ANKS6: variants seen among roughly 807,000 people sequenced by gnomAD.
ANKS6 encodes the protein ankyrin repeat and SAM domain-containing protein 6.
Under a neutral mutation model 77.9 loss-of-function variants are expected in ANKS6, and 47 were observed. That is an observed-to-expected ratio of 0.60 (90% CI 0.48 to 0.77). ANKS6 has a LOEUF of 0.77. ANKS6 is among the 30% of genes least tolerant of loss of function. The probability of loss-of-function intolerance (pLI) is 0.00; values close to 1 mark genes in which losing one functional copy is unlikely to be tolerated. For synonymous variants in ANKS6, 488 were observed against 501.7 expected, an observed-to-expected ratio of 0.97 and a Z score of 0.37; for missense variants, 1,150 against 1,159.1, an observed-to-expected ratio of 0.99 and a Z score of 0.11.
Position 98,732,984 on chromosome 9 carries a change from CTG to C in ANKS6, c.*3533_*3534del. 1 of 1,006,238 alleles carries C rather than the reference CTG, an allele frequency of 9.9e-7. No individual in the cohort carries two copies. Among genetic ancestry groups the C allele is most frequent in the Non-Finnish European group, 1.2e-6 (1 of 835,862 alleles). The allele number at this position is 1,006,238 out of a possible 1,614,324, so 62.3% of individuals were successfully genotyped here. A position where few individuals can be genotyped will look rare whatever the true frequency, so the allele number is the denominator to read the frequency against. The stretch of plus-strand genomic sequence containing the variant: ...TGAGGCCCCACTCCATCTCTCTCCT[CTG>C]GGGCGTGCCCAGGCTGAGCCTGAGC... On this transcript the variant is annotated 3_prime_UTR_variant, in exon 15 of 15. Coordinates refer to ENST00000353234, the MANE Select transcript of ANKS6 (RefSeq NM_173551.5).
chr9:98,765,525 C>A (rs931395687), intron 11 of ANKS6, among the ~76,000 whole-genome samples: 1 of 152,228 alleles, frequency 6.6e-6, no homozygotes, highest in African/African-American at 2.4e-5. Context: ...GTCCTGGCCA[C>A]CTCAGCCACC....
rs774316090 is a variant in ANKS6 at position 98,784,111 on chromosome 9, G to A, written c.954C>T (p.His318=). 2.5e-6 allele frequency: 4 copies of A among 1,570,014 alleles called. No homozygotes were observed. The highest frequency in any genetic ancestry group is 2.3e-5 in the East Asian group (1 of 43,202). Residue 318 remains histidine, a synonymous_variant, in exon 4 of 15, where the codon CAC becomes CAT. Coordinates refer to ENST00000353234, the MANE Select transcript of ANKS6 (RefSeq NM_173551.5). ...VKEIADEDPS[H]VNLVNGDGAT... ...CCCCGTCCCCATTGACCAAGTTCACGTGGCTGGGGTCTTCATCGGCAATCT... is the reference window on the plus strand; with the variant it reads ...CCCCGTCCCCATTGACCAAGTTCACATGGCTGGGGTCTTCATCGGCAATCT...
chr9:98,734,715 C>T lies in ANKS6; in HGVS notation c.*1804G>A, dbSNP rs755579966. On this transcript the variant is annotated 3_prime_UTR_variant, in exon 15 of 15. Coordinates refer to ENST00000353234, the MANE Select transcript of ANKS6 (RefSeq NM_173551.5). ...CCCGAATGTGCAAGATGAGGTTACA[C>T]AATGCCACCTCCAGGGTGGCCATGA... The T allele has an allele frequency of 9.8e-5, 93 of 947,286 alleles. No individual in the cohort carries two copies. The highest frequency in any genetic ancestry group is 1.1e-4 in the Non-Finnish European group (89 of 795,388). 58.7% of individuals were successfully genotyped at this position (947,286 alleles called of 1,614,324 possible).
rs183226573 is a variant in ANKS6, at chr9:98,758,626, G to A, written c.2143-2023C>T. On this transcript the variant is annotated intron_variant, in intron 11 of 14. Coordinates refer to ENST00000353234, the MANE Select transcript of ANKS6 (RefSeq NM_173551.5). ...ATCTACTTTTATATCTACTAACTCT[G>A]TGTGTGTGCAACTCTCTGTGTATTT... is the stretch of plus-strand genomic sequence containing the variant. 2.0e-5 allele frequency among the ~76,000 whole-genome samples: 3 copies of A among 152,238 alleles called. No individual in the cohort carries two copies. The East Asian group carries it at 5.8e-4, about 29-fold the overall frequency.
Position 98,733,881 on chromosome 9 carries a change from G to A in ANKS6, c.*2638C>T. On this transcript the variant is annotated 3_prime_UTR_variant, in exon 15 of 15. Coordinates refer to ENST00000353234, the MANE Select transcript of ANKS6 (RefSeq NM_173551.5). ...TCCTGTGGAACTAGGGTTCCCAGGA[G>A]CATACTTTTGGGAAATGCTGGTGAA... 1.0e-6 allele frequency: 1 copy of A among 985,410 alleles called. No individual in the cohort carries two copies. Among genetic ancestry groups the A allele is most frequent in the Non-Finnish European group, 1.2e-6 (1 of 829,944 alleles). The allele number at this position is 985,410 out of a possible 1,614,324, so 61.0% of individuals were successfully genotyped here.
At chr9:98,741,302 A>G (rs1831815362) in intron 14 of ANKS6, among the ~76,000 whole-genome samples, 1 of 152,240 alleles carries the variant, frequency 6.6e-6, no homozygotes. Context: ...ATATTTTACG[A>G]AAATTTAAGG....
In ANKS6 at chr9:98,790,473, C is replaced by G. The variant is rs1588421075; in HGVS notation, c.493G>C (p.Glu165Gln). 6.2e-7 allele frequency: 1 copy of G among 1,613,702 alleles called. No individual in the cohort carries two copies. The highest frequency in any genetic ancestry group is 8.5e-7 in the Non-Finnish European group (1 of 1,179,984). ...TGATGGTCCACAAAGGCACCGGCTTCCAGGAGCAGCTTCACCACACCCAGG... is the reference window on the plus strand; with the variant it reads ...TGATGGTCCACAAAGGCACCGGCTTGCAGGAGCAGCTTCACCACACCCAGG... ...GHLGVVKLLL[E>Q]AGAFVDHHHP... The change falls in exon 2 of 15, where the codon GAA (glutamate) becomes CAA (glutamine). Residue 165 changes from glutamate to glutamine, a missense_variant. Transcript: ENST00000353234.
At chr9:98,771,740 C>CGGTCCTTG (rs1325583386) in intron 9 of ANKS6, among the ~76,000 whole-genome samples, 3 of 152,116 alleles carry the variant, frequency 2.0e-5, no homozygotes, top group Non-Finnish European at 4.4e-5. Flanking sequence ...CGGCTCCTCC[C>CGGTCCTTG]GGTCCTTGGC....
chr9:98,754,031 A>T (rs1469712341), intron 12 of ANKS6, among the ~76,000 whole-genome samples: 1 of 152,128 alleles, frequency 6.6e-6, no homozygotes, highest in Non-Finnish European at 1.5e-5. Context: ...CCCGCTCACC[A>T]GGGGAGCCTA....
chr9:98,770,780 G>A, intron 10 of ANKS6, 116 bp downstream of exon 10: 2 of 1,089,432 alleles, frequency 1.8e-6, no homozygotes, highest in Non-Finnish European at 2.4e-6. Context: ...TAAGGAGAAA[G>A]TGCCTCTTGC....
intron 3 of ANKS6, 183 bp from the exon 4 acceptor site, chr9:98,784,340 G>C (rs1834447647): frequency 1.2e-5 from 6 of 519,644 alleles, no homozygotes; most frequent in Non-Finnish European, 1.7e-5. Context: ...CTCAGTCTAG[G>C]CGAGACAGAG....
Position 98,732,775 on chromosome 9 carries a change from T to A in ANKS6, c.*3744A>T. The A allele has an allele frequency of 7.1e-7, 1 of 1,398,818 alleles. No individual in the cohort carries two copies. The highest frequency in any genetic ancestry group is 9.3e-7 in the Non-Finnish European group (1 of 1,078,384). The allele number at this position is 1,398,818 out of a possible 1,614,324, so 86.7% of individuals were successfully genotyped here. On this transcript the variant is annotated 3_prime_UTR_variant, in exon 15 of 15. Transcript: ENST00000353234. ...GTGCTCAACATCACGCAGCACTAGG[T>A]CTATGTCCAGTGCTCTTTCCAGGGT...
chr9:98,767,950 G>A (rs1833390716), intron 11 of ANKS6, 131 bp downstream of exon 11: 1 of 1,278,674 alleles, frequency 7.8e-7, no homozygotes, highest in Non-Finnish European at 1.1e-6. Flanking sequence ...CAGCCCAGGA[G>A]TGGCTGGCTG....
intron 10 of ANKS6, among the ~76,000 whole-genome samples, chr9:98,769,595 GAAAAAGAAA>G (rs1474267731): frequency 6.6e-6 from 1 of 152,094 alleles, no homozygotes; most frequent in Non-Finnish European, 1.5e-5. Context: ...GCAATGTGAG[GAAAAAGAAA>G]AAAGCAAGTT....
At chr9:98,780,749 G>A (rs889228137) in intron 5 of ANKS6, among the ~76,000 whole-genome samples, 79 of 152,094 alleles carry the variant, frequency 5.2e-4, no homozygotes, top group Non-Finnish European at 2.1e-4. Context: ...ATCAATTCAC[G>A]GGAATTCCTT....
At chr9:98,773,284 C>T (rs1833738065) in intron 9 of ANKS6, among the ~76,000 whole-genome samples, 1 of 152,214 alleles carries the variant, frequency 6.6e-6, no homozygotes, top group Non-Finnish European at 1.5e-5. Context: ...TCACCCAGCA[C>T]ATGGCGACAG....
In ANKS6 at chr9:98,752,688, T is replaced by A. The variant is rs1481582793; in HGVS notation, c.2327-1592A>T. On this transcript the variant is annotated intron_variant, in intron 12 of 14. Coordinates refer to ENST00000353234, the MANE Select transcript of ANKS6 (RefSeq NM_173551.5). Reference sequence around the variant, plus strand: ...ATGAGAAACTGAGGCACAGAAAGGCTTGATACCACATCTTGGGTGAGGTCA... The same window carrying A: ...ATGAGAAACTGAGGCACAGAAAGGCATGATACCACATCTTGGGTGAGGTCA... Among the ~76,000 whole-genome samples the A allele has an allele frequency of 1.3e-5, 2 of 152,210 alleles. 1 individual carries two copies. The highest frequency in any genetic ancestry group is 2.9e-5 in the Non-Finnish European group (2 of 68,034).
rs201670531 is a variant in ANKS6 at position 98,780,246 on chromosome 9, C to T, written c.1311G>A (p.Ser437=). 8.9e-5 allele frequency: 144 copies of T among 1,613,974 alleles called. No individual in the cohort carries two copies. The highest frequency in any genetic ancestry group is 1.2e-4 in the Non-Finnish European group (138 of 1,179,986). Residue 437 remains serine, a synonymous_variant, in exon 6 of 15, where the codon TCG becomes TCA. Transcript: ENST00000353234. ...GGATGCTCCAGGGCTGTCGGACCTT[C>T]GAGTGGGGCAGGGGAGGCTGGTGGC... ...RPSHQPPLPH[S]KVRQPWSIPV...
chr9:98,738,099 G>T (rs1305091849), intron 14 of ANKS6, among the ~76,000 whole-genome samples: 2 of 152,186 alleles, frequency 1.3e-5, no homozygotes, highest in South Asian at 2.1e-4. Flanking sequence ...ATGGATTAAA[G>T]ATTTAAATCT....
Sources: allele counts gnomAD v4.1 joint callset (sites outside exome capture counted in the v4.1 genomes callset), GRCh38; gene constraint gnomAD v4.1.1; transcripts MANE v1.5; gene names NCBI Gene and HGNC (gene_info 2026-07-23, HGNC 2026-07-21).